Variants in ASPRV1 observed in about 807,000 individuals in gnomAD.
ASPRV1 encodes the protein retroviral-like aspartic protease 1.
In ASPRV1, 7 loss-of-function variants were observed where a neutral mutation model predicts 11.0. The ratio of observed to expected loss-of-function variants is 0.64; its 90% confidence interval spans 0.36 to 1.20. The LOEUF (loss-of-function observed/expected upper bound fraction) is 1.20, where lower values mean the gene tolerates loss of function less well. Ranked by LOEUF, ASPRV1 falls within the 50% of genes most tolerant of loss-of-function variation. The probability of loss-of-function intolerance (pLI) is 0.02; values close to 1 mark genes in which losing one functional copy is unlikely to be tolerated. For synonymous variants in ASPRV1, 136 were observed against 138.4 expected, an observed-to-expected ratio of 0.98 and a Z score of 0.12; for missense variants, 299 against 320.0, an observed-to-expected ratio of 0.93 and a Z score of 0.50.
chr2:70,004,938 T>C, the ASPRV1 span, among the ~76,000 whole-genome samples: 2 of 152,198 alleles, frequency 1.3e-5, no homozygotes, highest in Non-Finnish European at 2.9e-5. Context: ...TTTAGAATAG[T>C]GCCTGGCTCA....
At chr2:70,030,494 G>A in the ASPRV1 span, 25 of 152,268 alleles carry the variant, frequency 1.6e-4, no homozygotes, top group African/African-American at 5.8e-4. Flanking sequence ...CTGAGGGAGG[G>A]TGGACTACTC....
downstream of ASPRV1, among the ~76,000 whole-genome samples, chr2:69,956,732 T>C (rs542424944): frequency 6.6e-6 from 1 of 152,236 alleles, no homozygotes; most frequent in Admixed American, 6.5e-5. Flanking sequence ...AAAATAGTTA[T>C]TTATGGAGTA....
the ASPRV1 span, among the ~76,000 whole-genome samples, chr2:69,954,451 T>G: frequency 6.6e-6 from 1 of 152,342 alleles, no homozygotes; most frequent in Admixed American, 6.5e-5. Context: ...AGGTGGTGGT[T>G]GTTTCCTCCA....
chr2:70,081,924 C>A, the ASPRV1 span, among the ~76,000 whole-genome samples: 1 of 151,622 alleles, frequency 6.6e-6, no homozygotes. Context: ...AAAGATAAAT[C>A]TTAAGAGAGA....
the ASPRV1 span, among the ~76,000 whole-genome samples, chr2:70,047,170 A>T: frequency 1.1e-4 from 16 of 152,276 alleles, no homozygotes; most frequent in African/African-American, 3.8e-4. Flanking sequence ...GCAGCAAACA[A>T]AAGAGATGTG....
At chr2:70,047,745 C>T in the ASPRV1 span, among the ~76,000 whole-genome samples, 3 of 152,080 alleles carry the variant, frequency 2.0e-5, no homozygotes, top group Non-Finnish European at 2.9e-5. Context: ...AGAAGCCTCC[C>T]GAGAGGAGTT....
chr2:69,973,428 G>A, the ASPRV1 span, among the ~76,000 whole-genome samples: 1 of 152,204 alleles, frequency 6.6e-6, no homozygotes, highest in African/African-American at 2.4e-5. Flanking sequence ...TTGGAGTGCA[G>A]TGGAATGTTC....
At chr2:70,077,278 A>C in the ASPRV1 span, 1 of 152,284 alleles carries the variant, frequency 6.6e-6, no homozygotes, top group Admixed American at 6.5e-5. Context: ...ATTTCATCTA[A>C]AAGGAAAGGG....
chr2:70,084,886 G>A, the ASPRV1 span, among the ~76,000 whole-genome samples: 2 of 152,160 alleles, frequency 1.3e-5, no homozygotes, highest in African/African-American at 4.8e-5. Flanking sequence ...TGTTCGTAGA[G>A]TTATATAAAC....
the ASPRV1 span, among the ~76,000 whole-genome samples, chr2:70,027,287 G>T: frequency 4.8e-5 from 7 of 147,248 alleles, no homozygotes; most frequent in Non-Finnish European, 6.0e-5. Context: ...AAAAAAAAGC[G>T]GGGGGTGGAG....
chr2:70,056,549 G>C, the ASPRV1 span: 1 of 128,538 alleles, frequency 7.8e-6, no homozygotes, highest in South Asian at 2.6e-4. Flanking sequence ...AGCTTGCAGT[G>C]AGCCGAGATC....
the ASPRV1 span, among the ~76,000 whole-genome samples, chr2:69,988,202 A>G: frequency 6.6e-6 from 1 of 152,240 alleles, no homozygotes; most frequent in East Asian, 1.9e-4. Context: ...ATTCAAACAG[A>G]TATTTGCGCA....
At chr2:69,933,848 C>A in the ASPRV1 span, among the ~76,000 whole-genome samples, 1 of 152,170 alleles carries the variant, frequency 6.6e-6, no homozygotes, top group Non-Finnish European at 1.5e-5. Flanking sequence ...AAGGGCAAAC[C>A]TATAAGGCAT....
At chr2:69,950,868 T>TAAAC in the ASPRV1 span, among the ~76,000 whole-genome samples, 1 of 144,876 alleles carries the variant, frequency 6.9e-6, no homozygotes, top group Non-Finnish European at 1.5e-5. Flanking sequence ...AATAAATAAA[T>TAAAC]AAATAAATAA....
At chr2:69,945,904 T>A in the ASPRV1 span, among the ~76,000 whole-genome samples, 1 of 152,064 alleles carries the variant, frequency 6.6e-6, no homozygotes, top group Non-Finnish European at 1.5e-5. Flanking sequence ...AGGAAGACAG[T>A]CAACGCAGGG....
At chr2:70,026,408 G>C in the ASPRV1 span, among the ~76,000 whole-genome samples, 1 of 150,742 alleles carries the variant, frequency 6.6e-6, no homozygotes. Context: ...CATCCAGATT[G>C]GAAAGGAAGA....
At chr2:70,068,700 C>T in the ASPRV1 span, among the ~76,000 whole-genome samples, 2 of 151,286 alleles carry the variant, frequency 1.3e-5, no homozygotes, top group African/African-American at 2.4e-5. Flanking sequence ...GAGGCCAAGG[C>T]GGGCGGATCA....
chr2:70,083,877 A>G, the ASPRV1 span, among the ~76,000 whole-genome samples: 1 of 152,222 alleles, frequency 6.6e-6, no homozygotes, highest in East Asian at 1.9e-4. Context: ...GATGAGTTGT[A>G]GAAGTCTCAG....
downstream of ASPRV1, among the ~76,000 whole-genome samples, chr2:69,956,005 G>T (rs1428022053): frequency 6.6e-6 from 1 of 152,068 alleles, no homozygotes; most frequent in African/African-American, 2.4e-5. Context: ...CAGAGCTCCT[G>T]GAGAAATGGC....
Sources: gnomAD v4.1 joint callset for allele counts (sites outside exome capture counted in the v4.1 genomes callset) on GRCh38, gnomAD v4.1.1 for gene constraint, MANE v1.5 for transcripts, NCBI Gene and HGNC (gene_info 2026-07-23, HGNC 2026-07-21) for gene names.